The following ASAP1 variants were observed in gnomAD, a reference collection of about 807,000 sequenced individuals.
ASAP1 encodes the protein ArfGAP with SH3 domain, ankyrin repeat and PH domain 1, also known as arf-GAP with SH3 domain, ANK repeat and PH domain-containing protein 1.
ASAP1 carries 43 observed loss-of-function variants against 145.2 expected under a neutral mutation model. The ratio of observed to expected loss-of-function variants is 0.30; its 90% CI spans 0.23 to 0.38. The LOEUF is 0.38. Among genes scored for constraint, ASAP1 ranks in the 10% least tolerant of loss-of-function variants. The probability of loss-of-function intolerance (pLI) is 1.00; values close to 1 mark genes in which losing one functional copy is unlikely to be tolerated. For missense variants in ASAP1, 1,018 were observed against 1,355.3 expected, an observed-to-expected ratio of 0.75 and a Z score of 3.91; for synonymous variants, 546 against 515.5, an observed-to-expected ratio of 1.06 and a Z score of -0.80.
chr8:130,402,792 C>G (rs1828856035), intron 1 of ASAP1, among the ~76,000 whole-genome samples: 1 of 152,182 alleles, frequency 6.6e-6, no homozygotes, highest in Admixed American at 6.5e-5. Context: ...ACTGGTCCAG[C>G]TCTGGACCAA....
intron 3 of ASAP1, among the ~76,000 whole-genome samples, chr8:130,301,973 C>T (rs1366988116): frequency 6.6e-6 from 1 of 152,210 alleles, no homozygotes; most frequent in Non-Finnish European, 1.5e-5. Context: ...GCAGGGGTGT[C>T]CCCAAAATCT....
intron 1 of ASAP1, among the ~76,000 whole-genome samples, chr8:130,408,851 A>C (rs373542586): frequency 5.9e-4 from 90 of 152,332 alleles, no homozygotes; most frequent in African/African-American, 2.0e-3. Context: ...TCAAACTTGA[A>C]AGAGCTCGAT....
chr8:130,147,646 G>A (rs1036610940), intron 13 of ASAP1, among the ~76,000 whole-genome samples: 3 of 152,226 alleles, frequency 2.0e-5, no homozygotes, highest in Non-Finnish European at 4.4e-5. Flanking sequence ...TCACAGATTA[G>A]TACAAGTTAA....
At chr8:130,262,073 C>T (rs1318567386) in intron 3 of ASAP1, among the ~76,000 whole-genome samples, 2 of 151,930 alleles carry the variant, frequency 1.3e-5, no homozygotes, top group South Asian at 2.1e-4. Flanking sequence ...GTATTTTATA[C>T]ATTGTCTTCA....
At chr8:130,166,327 A>C (rs2097679784) in intron 11 of ASAP1, among the ~76,000 whole-genome samples, 1 of 152,210 alleles carries the variant, frequency 6.6e-6, no homozygotes, top group Non-Finnish European at 1.5e-5. Context: ...TAATTTCATA[A>C]CAAAAACAGG....
intron 2 of ASAP1, among the ~76,000 whole-genome samples, chr8:130,363,921 G>A (rs1029304450): frequency 6.6e-6 from 1 of 152,190 alleles, no homozygotes. Context: ...TGCTGAAGGA[G>A]CAGGATGGAG....
rs1339082778 is a variant in ASAP1 at position 130,167,328 on chromosome 8, C to T, written c.909+208G>A. Reference sequence around the variant, plus strand: ...TAAAGAAAAAAGAAAAAAAAAAAATCCAGAGTCATGGAATTGGATACCCAG... The same window carrying T: ...TAAAGAAAAAAGAAAAAAAAAAAATTCAGAGTCATGGAATTGGATACCCAG... On this transcript the variant is annotated intron_variant, in intron 11 of 29. Coordinates refer to ENST00000518721, the MANE Select transcript of ASAP1 (RefSeq NM_018482.4). The T allele has an allele frequency of 1.5e-5, 10 of 650,216 alleles. No individual in the cohort carries two copies. In the African/African-American group the frequency reaches 1.7e-4, roughly 11 times the overall value. 40.3% of individuals were successfully genotyped at this position (650,216 alleles called of 1,614,324 possible).
intron 23 of ASAP1, 50 bp from the exon 24 acceptor site, chr8:130,112,372 T>A (rs1279761476): frequency 6.4e-7 from 1 of 1,558,230 alleles, no homozygotes; most frequent in Non-Finnish European, 8.8e-7. Flanking sequence ...CCACCCTTCA[T>A]GTGTACAGAG....
At chr8:130,284,663 C>G (rs1821486210) in intron 3 of ASAP1, among the ~76,000 whole-genome samples, 1 of 151,950 alleles carries the variant, frequency 6.6e-6, no homozygotes, top group South Asian at 2.1e-4. Context: ...ATGTAGGATG[C>G]AGCCACTGGG....
chr8:130,396,349 T>C (rs1367013967), intron 2 of ASAP1, among the ~76,000 whole-genome samples: 2 of 152,186 alleles, frequency 1.3e-5, no homozygotes, highest in Non-Finnish European at 2.9e-5. Flanking sequence ...ACACAGTCGC[T>C]GCTTAATAAA....
intron 29 of ASAP1, 125 bp from the exon 30 acceptor site, chr8:130,054,930 T>C (rs1302271736): frequency 2.7e-6 from 2 of 748,742 alleles, no homozygotes; most frequent in East Asian, 2.6e-5. Flanking sequence ...GGCTTACCCT[T>C]CTTCCCACCC....
intron 28 of ASAP1, among the ~76,000 whole-genome samples, chr8:130,058,400 C>T (rs1011152243): frequency 6.6e-5 from 10 of 152,206 alleles, no homozygotes; most frequent in African/African-American, 9.7e-5. Flanking sequence ...GCACTCTGTA[C>T]GCACCCCCAA....
intron 2 of ASAP1, among the ~76,000 whole-genome samples, chr8:130,392,561 A>G (rs1307749285): frequency 6.6e-6 from 1 of 152,260 alleles, no homozygotes; most frequent in Non-Finnish European, 1.5e-5. Context: ...TGAGGAAAGT[A>G]CTGTTATCAT....
intron 3 of ASAP1, among the ~76,000 whole-genome samples, chr8:130,331,194 T>C (rs1824665913): frequency 6.6e-6 from 1 of 152,220 alleles, no homozygotes; most frequent in Non-Finnish European, 1.5e-5. Flanking sequence ...AAAGGGGGCA[T>C]GGCTATTTCG....
At chr8:130,425,831 C>T (rs1279279436) in intron 1 of ASAP1, among the ~76,000 whole-genome samples, 4 of 152,188 alleles carry the variant, frequency 2.6e-5, no homozygotes, top group Admixed American at 2.0e-4. Context: ...ATAGTATCTC[C>T]AAAGTCCTCC....
At chr8:130,393,036 CAGTTATATT>C (rs1828359220) in intron 2 of ASAP1, among the ~76,000 whole-genome samples, 1 of 152,140 alleles carries the variant, frequency 6.6e-6, no homozygotes, top group East Asian at 1.9e-4. Flanking sequence ...TTTAACATGA[CAGTTATATT>C]ATGAGTGTTC....
intron 1 of ASAP1, among the ~76,000 whole-genome samples, chr8:130,429,586 C>T (rs1374931678): frequency 6.6e-6 from 1 of 152,194 alleles, no homozygotes; most frequent in Non-Finnish European, 1.5e-5. Context: ...ACAGAAGCAG[C>T]GTTGTTTCTG....
At chr8:130,335,827 T>C (rs976885307) in intron 3 of ASAP1, among the ~76,000 whole-genome samples, 4 of 152,198 alleles carry the variant, frequency 2.6e-5, no homozygotes, top group African/African-American at 9.7e-5. Context: ...CTCTGTAGGC[T>C]TGAATCTAAA....
At chr8:130,135,659 C>G (rs2097592896) in intron 14 of ASAP1, among the ~76,000 whole-genome samples, 1 of 152,136 alleles carries the variant, frequency 6.6e-6, no homozygotes, top group African/African-American at 2.4e-5. Flanking sequence ...AAATGGAAAA[C>G]TGATAGGGCT....
Sources: allele counts gnomAD v4.1 joint callset (sites outside exome capture counted in the v4.1 genomes callset), GRCh38; gene constraint gnomAD v4.1.1; transcripts MANE v1.5; gene names NCBI Gene and HGNC (gene_info 2026-07-23, HGNC 2026-07-21).